The following ATP9B variants were observed in gnomAD, a reference collection of about 807,000 sequenced individuals.
ATP9B encodes the protein ATPase phospholipid transporting 9B.
In ATP9B, 110 loss-of-function variants were observed where a neutral mutation model predicts 146.1. The ratio of observed to expected loss-of-function variants is 0.75; its 90% CI spans 0.65 to 0.88. The LOEUF is 0.88. Among genes scored for constraint, ATP9B ranks in the 40% least tolerant of loss-of-function variants. The pLI, the probability that ATP9B is intolerant of heterozygous loss-of-function variation, is 0.00. For synonymous variants in ATP9B, 604 were observed against 569.7 expected (o/e 1.06, Z -0.86); for missense variants, 1,499 against 1,496.4 (o/e 1.00, Z -0.03).
At chr18:79,256,286 T>TATATATATATACACACACACAC (rs398033647) in intron 12 of ATP9B, among the ~76,000 whole-genome samples, 10 of 123,074 alleles carry the variant, frequency 8.1e-5, no homozygotes, top group Non-Finnish European at 1.5e-4. Context: ...TATATATATA[T>TATATATATATACACACACACAC]ACATACATAG....
rs963483161 is a variant in ATP9B at position 79,176,832 on chromosome 18, T to A, written c.798T>A (p.Thr266=). 6 of 1,613,984 alleles carry A rather than the reference T, an allele frequency of 3.7e-6. No homozygotes were observed. Among genetic ancestry groups the A allele is most frequent in the African/African-American group, 1.3e-5 (1 of 74,916 alleles). ...TCCAAGGTTCGTGTTTTATTCGAAC[T>A]GATCAACTAGATGGTGAAACTGACT... ...SEKAGSCFIR[T]DQLDGETDWK... Residue 266 remains threonine, a synonymous_variant, in exon 8 of 30, where the codon ACT becomes ACA. Coordinates refer to ENST00000426216, the MANE Select transcript of ATP9B (RefSeq NM_198531.5).
At chr18:79,248,422 A>G (rs976643838) in intron 11 of ATP9B, among the ~76,000 whole-genome samples, 3 of 152,170 alleles carry the variant, frequency 2.0e-5, no homozygotes, top group African/African-American at 7.2e-5. Context: ...TATAGGGCTT[A>G]TTTGTTTCAA....
chr18:79,084,575 C>T (rs552420636), intron 1 of ATP9B, among the ~76,000 whole-genome samples: 11 of 151,062 alleles, frequency 7.3e-5, no homozygotes, highest in Admixed American at 1.3e-4. Flanking sequence ...TCTTAATTTA[C>T]GAGAAACAGA....
At chr18:79,336,515 C>A in intron 17 of ATP9B, 113 bp from the exon 18 acceptor site, 1 of 885,522 alleles carries the variant, frequency 1.1e-6, no homozygotes, top group Non-Finnish European at 1.8e-6. Flanking sequence ...TGAAGGTGGG[C>A]ACAGGACATG....
At chr18:79,238,355 T>C (rs2095860601) in intron 11 of ATP9B, among the ~76,000 whole-genome samples, 1 of 152,170 alleles carries the variant, frequency 6.6e-6, no homozygotes, top group Non-Finnish European at 1.5e-5. Context: ...TTCCGGGGCT[T>C]ACGTGAGGTG....
chr18:79,347,879 T>C lies in ATP9B; in HGVS notation c.2792T>C (p.Leu931Pro), dbSNP rs1265754356. The change falls in exon 24 of 30, where the codon CTC (leucine) becomes CCC (proline). Residue 931 changes from leucine to proline, a missense_variant. Leu to Pro is a moderately conservative substitution (Grantham distance 98, BLOSUM62 -3). Transcript: ENST00000426216. ...GRNSYKRSAA[L>P]GQFVMHRGLI... Reference sequence around the variant, plus strand: ...AACAGCTACAAGAGGTCGGCGGCACTCGGCCAGTTCGTCATGCACAGGGGC... The same window carrying C: ...AACAGCTACAAGAGGTCGGCGGCACCCGGCCAGTTCGTCATGCACAGGGGC... 1.9e-6 allele frequency: 3 copies of C among 1,613,728 alleles called. No individual in the cohort carries two copies. Among genetic ancestry groups the C allele is most frequent in the Non-Finnish European group, 2.5e-6 (3 of 1,179,906 alleles).
chr18:79,359,284 C>A, intron 25 of ATP9B, 70 bp from the exon 26 acceptor site: 1 of 1,188,614 alleles, frequency 8.4e-7, no homozygotes, highest in Non-Finnish European at 1.2e-6. Context: ...GACCTCTAAT[C>A]CAGAGGTCTG....
At chr18:79,322,351 C>T (rs572669926) in intron 15 of ATP9B, among the ~76,000 whole-genome samples, 7 of 152,300 alleles carry the variant, frequency 4.6e-5, no homozygotes, top group African/African-American at 1.4e-4. Flanking sequence ...ATTGAGACAG[C>T]GAGTGTTGAC....
intron 11 of ATP9B, among the ~76,000 whole-genome samples, chr18:79,243,232 A>T (rs2095906678): frequency 6.6e-6 from 1 of 152,236 alleles, no homozygotes; most frequent in South Asian, 2.1e-4. Flanking sequence ...TCACGATGAT[A>T]GTAATTCTGA....
At chr18:79,286,100 G>A (rs2096437732) in intron 13 of ATP9B, among the ~76,000 whole-genome samples, 3 of 151,158 alleles carry the variant, frequency 2.0e-5, no homozygotes, top group Admixed American at 6.6e-5. Flanking sequence ...TGGCGATGCG[G>A]GCTCTTTTTT....
At chr18:79,122,222 T>A (rs2094201536) in intron 4 of ATP9B, among the ~76,000 whole-genome samples, 1 of 152,206 alleles carries the variant, frequency 6.6e-6, no homozygotes, top group African/African-American at 2.4e-5. Flanking sequence ...TGCTTGGTAA[T>A]CACTTTCATT....
At chr18:79,376,214 C>CACCCACACACAAAAAA in intron 29 of ATP9B, 1 of 528,146 alleles carries the variant, frequency 1.9e-6, no homozygotes, top group Non-Finnish European at 2.3e-6. Context: ...CACACACACA[C>CACCCACACACAAAAAA]AAAACAAAAC....
intron 1 of ATP9B, among the ~76,000 whole-genome samples, chr18:79,083,803 G>C (rs146969394): frequency 6.6e-6 from 1 of 151,704 alleles, no homozygotes; most frequent in Admixed American, 6.6e-5. Context: ...GAAATAACTC[G>C]CCTTTTGCCT....
chr18:79,224,049 G>A lies in ATP9B; in HGVS notation c.1107+10011G>A, dbSNP rs115641581. ...TTACATAAAGTTCTGAATAAGAAGGGCTTACTAATTATTTGTTGCATATTA... is the reference window on the plus strand; with the variant it reads ...TTACATAAAGTTCTGAATAAGAAGGACTTACTAATTATTTGTTGCATATTA... On this transcript the variant is annotated intron_variant, in intron 11 of 29. Transcript: ENST00000426216. 2.9e-3 allele frequency among the ~76,000 whole-genome samples: 448 copies of A among 152,206 alleles called. 2 individuals carry two copies. The highest frequency in any genetic ancestry group is 0.01 in the African/African-American group (419 of 41,544).
chr18:79,365,269 T>C (rs775064557), intron 26 of ATP9B, among the ~76,000 whole-genome samples: 9 of 152,032 alleles, frequency 5.9e-5, no homozygotes, highest in Admixed American at 2.0e-4. Flanking sequence ...CTCAGTGCCA[T>C]TTTCATCAGG....
At chr18:79,228,240 A>G (rs2095755342) in intron 11 of ATP9B, among the ~76,000 whole-genome samples, 1 of 152,242 alleles carries the variant, frequency 6.6e-6, no homozygotes, top group South Asian at 2.1e-4. Context: ...GAATTTTTGC[A>G]CATCTGTTGT....
intron 2 of ATP9B, among the ~76,000 whole-genome samples, chr18:79,107,156 A>T (rs573703463): frequency 4.3e-4 from 65 of 152,308 alleles, no homozygotes; most frequent in African/African-American, 1.5e-3. Flanking sequence ...AAATGTGCTC[A>T]TATGAAGCCT....
intron 12 of ATP9B, among the ~76,000 whole-genome samples, chr18:79,276,139 G>A (rs559356489): frequency 6.6e-6 from 1 of 152,294 alleles, no homozygotes; most frequent in East Asian, 1.9e-4. Flanking sequence ...TTTTTGAGTT[G>A]CTGTATAGGA....
intron 15 of ATP9B, among the ~76,000 whole-genome samples, chr18:79,312,109 G>A (rs900448725): frequency 1.3e-5 from 2 of 152,132 alleles, no homozygotes; most frequent in Non-Finnish European, 2.9e-5. Flanking sequence ...CGCCTTCGCC[G>A]AGGTGCCTTC....
Sources: gnomAD v4.1 joint callset for allele counts (sites outside exome capture counted in the v4.1 genomes callset) on GRCh38, gnomAD v4.1.1 for gene constraint, MANE v1.5 for transcripts, NCBI Gene and HGNC (gene_info 2026-07-23, HGNC 2026-07-21) for gene names.